ADCY8: variants seen among roughly 807,000 people sequenced by gnomAD.
ADCY8 encodes adenylate cyclase type 8.
In ADCY8, 51 loss-of-function variants were observed where a neutral mutation model predicts 119.7. The ratio of observed to expected loss-of-function variants is 0.43; its 90% confidence interval spans 0.34 to 0.54. The LOEUF is 0.54. Ranked by LOEUF, ADCY8 falls within the 20% of genes least tolerant of loss-of-function variation. The pLI is 0.03. For missense variants in ADCY8, 1,383 were observed against 1,598.8 expected, an observed-to-expected ratio of 0.87 and a Z score of 2.30; for synonymous variants, 665 against 651.0, an observed-to-expected ratio of 1.02 and a Z score of -0.33.
intron 5 of ADCY8, among the ~76,000 whole-genome samples, chr8:130,910,085 T>G (rs1396431960): frequency 6.6e-6 from 1 of 151,914 alleles, no homozygotes; most frequent in East Asian, 1.9e-4. Context: ...TCCTCCCGCC[T>G]CGGCCTTGCA....
chr8:130,898,451 T>G (rs35195692), intron 7 of ADCY8, among the ~76,000 whole-genome samples: 77,306 of 147,526 alleles, frequency 0.52, 20,843 homozygotes, highest in East Asian at 0.7. Context: ...ATCCTCATGG[T>G]AAACACATTA....
chr8:130,894,501 C>T (rs1819316046), intron 7 of ADCY8, among the ~76,000 whole-genome samples: 1 of 152,088 alleles, frequency 6.6e-6, no homozygotes, highest in Non-Finnish European at 1.5e-5. Context: ...TGACATGATT[C>T]TTTAGGGGAC....
intron 12 of ADCY8, among the ~76,000 whole-genome samples, chr8:130,835,710 C>A (rs961846759): frequency 6.6e-6 from 1 of 152,146 alleles, no homozygotes; most frequent in African/African-American, 2.4e-5. Context: ...TGCATATAAC[C>A]TATACATATC....
chr8:130,917,818 T>G (rs1820176043), intron 5 of ADCY8, among the ~76,000 whole-genome samples: 1 of 151,824 alleles, frequency 6.6e-6, no homozygotes, highest in Non-Finnish European at 1.5e-5. Flanking sequence ...TGGTGCTTCT[T>G]TTATTCCCGT....
At chr8:130,963,786 T>C (rs1234080977) in intron 2 of ADCY8, among the ~76,000 whole-genome samples, 2 of 152,166 alleles carry the variant, frequency 1.3e-5, no homozygotes, top group Non-Finnish European at 2.9e-5. Context: ...GGGAAGGTTT[T>C]AGATAGCTGA....
At chr8:130,996,151 GA>G (rs1408042106) in intron 1 of ADCY8, among the ~76,000 whole-genome samples, 2 of 151,638 alleles carry the variant, frequency 1.3e-5, no homozygotes, top group East Asian at 1.9e-4. Context: ...AGCTAGAAAA[GA>G]AAAAAAGTAC....
At chr8:130,930,254 C>T (rs1373841637) in intron 5 of ADCY8, among the ~76,000 whole-genome samples, 3 of 150,010 alleles carry the variant, frequency 2.0e-5, no homozygotes, top group East Asian at 3.9e-4. Context: ...CCTTCTTCTA[C>T]ATTTTTTTTT....
chr8:130,880,788 T>C (rs1197389812), intron 8 of ADCY8, among the ~76,000 whole-genome samples: 2 of 152,172 alleles, frequency 1.3e-5, no homozygotes, highest in African/African-American at 4.8e-5. Flanking sequence ...AGGGAGGTGA[T>C]ACTAATTTCA....
chr8:130,815,150 C>G (rs1816296727), intron 13 of ADCY8, among the ~76,000 whole-genome samples: 1 of 152,166 alleles, frequency 6.6e-6, no homozygotes, highest in Non-Finnish European at 1.5e-5. Context: ...GGTTGGGATA[C>G]AGCAAGCAGG....
chr8:130,786,155 A>G (rs1275074966), intron 15 of ADCY8, among the ~76,000 whole-genome samples: 1 of 152,100 alleles, frequency 6.6e-6, no homozygotes. Flanking sequence ...TATCCCTGAT[A>G]TTGCTTATTT....
intron 1 of ADCY8, among the ~76,000 whole-genome samples, chr8:131,008,775 G>A (rs1823205208): frequency 6.6e-6 from 1 of 152,194 alleles, no homozygotes; most frequent in Non-Finnish European, 1.5e-5. Context: ...GACACTTGTT[G>A]AATGGCTTTG....
At chr8:130,888,563 A>G (rs1819072859) in intron 7 of ADCY8, among the ~76,000 whole-genome samples, 1 of 152,052 alleles carries the variant, frequency 6.6e-6, no homozygotes, top group African/African-American at 2.4e-5. Flanking sequence ...TATTTCCATA[A>G]ATGTTTCCTC....
intron 8 of ADCY8, among the ~76,000 whole-genome samples, chr8:130,878,860 T>A (rs1159748371): frequency 6.6e-6 from 1 of 152,178 alleles, no homozygotes; most frequent in Admixed American, 6.5e-5. Flanking sequence ...TATGGCTTGA[T>A]TATCACAGTT....
At chr8:130,948,069 C>A (rs867466282) in intron 3 of ADCY8, among the ~76,000 whole-genome samples, 1 of 152,130 alleles carries the variant, frequency 6.6e-6, no homozygotes, top group Non-Finnish European at 1.5e-5. Context: ...TTCCAATAAC[C>A]AAATGCTGGG....
chr8:130,954,636 C>A (rs764099684), intron 2 of ADCY8, among the ~76,000 whole-genome samples: 1 of 152,180 alleles, frequency 6.6e-6, no homozygotes, highest in Non-Finnish European at 1.5e-5. Flanking sequence ...TATACTCAAC[C>A]TTTACTATAG....
At position 130,929,928 on chromosome 8, in the gene ADCY8, T is replaced by A. The variant is rs1372676817; in HGVS notation, c.1481+7145A>T. ...TTCATAGTTATTAATGTAAAGTGTA[T>A]TTTATCTTGCATAAGTATAGGTATT... On this transcript the variant is annotated intron_variant, in intron 5 of 17. Coordinates refer to ENST00000286355, the MANE Select transcript of ADCY8 (RefSeq NM_001115.3). Among the ~76,000 whole-genome samples the A allele has an allele frequency of 2.0e-5, 3 of 152,242 alleles. No homozygotes were observed. In the East Asian group the frequency reaches 5.8e-4, roughly 29 times the overall value.
chr8:130,935,951 G>A (rs930923111), intron 5 of ADCY8, among the ~76,000 whole-genome samples: 2 of 152,054 alleles, frequency 1.3e-5, no homozygotes, highest in Non-Finnish European at 2.9e-5. Context: ...TCTCTCTAAA[G>A]ACAGTGGTTT....
chr8:130,880,152 A>G (rs1435596267), intron 8 of ADCY8, among the ~76,000 whole-genome samples: 1 of 151,850 alleles, frequency 6.6e-6, no homozygotes. Flanking sequence ...AGTCCAATAA[A>G]CCTCTTTCTT....
intron 9 of ADCY8, among the ~76,000 whole-genome samples, chr8:130,850,856 T>C (rs1403911092): frequency 6.6e-6 from 1 of 152,210 alleles, no homozygotes; most frequent in Non-Finnish European, 1.5e-5. Context: ...AAATAATGTA[T>C]CGAGATCTGA....
Sources: gnomAD v4.1 joint callset for allele counts (sites outside exome capture counted in the v4.1 genomes callset) on GRCh38, gnomAD v4.1.1 for gene constraint, MANE v1.5 for transcripts, NCBI Gene and HGNC (gene_info 2026-07-23, HGNC 2026-07-21) for gene names.